Variants in PIR observed in about 807,000 individuals in gnomAD.
PIR encodes the protein pirin, also known as pirin (iron-binding nuclear protein).
PIR carries 22 observed loss-of-function variants against 24.2 expected under a neutral mutation model. The observed-to-expected ratio is 0.91, with a 90% confidence interval of 0.65 to 1.30. The LOEUF (loss-of-function observed/expected upper bound fraction) is 1.30, where lower values mean the gene tolerates loss of function less well. Among genes scored for constraint, PIR ranks in the 50% most tolerant of loss-of-function variants. PIR has a pLI of 0.00. For synonymous variants in PIR, 80 were observed against 79.6 expected, an observed-to-expected ratio of 1.00 and a Z score of -0.03; for missense variants, 220 against 220.3, an observed-to-expected ratio of 1.00 and a Z score of 0.01.
At position 15,455,978 on chromosome X, in the gene PIR, C is replaced by T; in HGVS notation, c.350G>A (p.Trp117Ter). ...SEEPAHGLQL[W>*]VNLRSSEKMV... Reference sequence around the variant, plus strand: ...CTTCTCTGAGCTCCTCAAATTAACCCACAGTTGTAGGCCATGGGCTGGCTC... The same window carrying T: ...CTTCTCTGAGCTCCTCAAATTAACCTACAGTTGTAGGCCATGGGCTGGCTC... Residue 117 changes from tryptophan to a stop codon, truncating the protein, a stop_gained, in exon 5 of 10, where the codon TGG (tryptophan) becomes TAG (stop). Coordinates refer to ENST00000380420, the MANE Select transcript of PIR (RefSeq NM_001018109.3). LOFTEE classifies it high-confidence loss of function. The T allele has an allele frequency of 8.3e-7, 1 of 1,211,386 alleles. No homozygotes were observed. The highest frequency in any genetic ancestry group is 1.1e-6 in the Non-Finnish European group (1 of 894,934).
At chrX:15,473,256 G>A (rs988558340) in intron 3 of PIR, among the ~76,000 whole-genome samples, 14 of 111,557 alleles carry the variant, frequency 1.3e-4, no homozygotes, top group African/African-American at 3.6e-4. Context: ...ACTGGGTGTA[G>A]GCAGATGCAA....
At chrX:15,389,779 T>C (rs1255217346) in intron 9 of PIR, among the ~76,000 whole-genome samples, 1 of 111,355 alleles carries the variant, frequency 9.0e-6, no homozygotes, top group Non-Finnish European at 1.9e-5. Flanking sequence ...AGTTTCATAT[T>C]TTTTACTAAA....
intron 2 of PIR, among the ~76,000 whole-genome samples, chrX:15,486,886 G>A (rs759618595): frequency 8.9e-6 from 1 of 112,330 alleles, no homozygotes; most frequent in Admixed American, 9.4e-5. Flanking sequence ...CATTGGTTTT[G>A]GATGATGCTT....
In PIR at chrX:15,484,306, CTTTTTTTTTT is replaced by C. The variant is rs1193474348; in HGVS notation, c.97-4495_97-4486del. Among the ~76,000 whole-genome samples, 13 of 67,488 alleles carry C rather than the reference CTTTTTTTTTT, an allele frequency of 1.9e-4. 1 individual carries two copies. The highest frequency in any genetic ancestry group is 6.6e-4 in the African/African-American group (12 of 18,146). The allele number at this position is 67,488 out of a possible 115,157, so 58.6% of individuals were successfully genotyped here. ...GAGCGGTAGATACAGTCTCAATTTTCTTTTTTTTTTTTTTTTTTTTTTTTTTGAGACAGGG... is the reference window on the plus strand; with the variant it reads ...GAGCGGTAGATACAGTCTCAATTTTCTTTTTTTTTTTTTTTTGAGACAGGG... On this transcript the variant is annotated intron_variant, in intron 2 of 9. Coordinates refer to ENST00000380420, the MANE Select transcript of PIR (RefSeq NM_001018109.3).
chrX:15,433,934 G>A lies in PIR; in HGVS notation c.481-7944C>T, dbSNP rs111162504. Among the ~76,000 whole-genome samples the A allele has an allele frequency of 3.5e-3, 223 of 62,824 alleles. 4 individuals are homozygous for A. The highest frequency in any genetic ancestry group is 0.017 in the African/African-American group (207 of 12,333). The allele number at this position is 62,824 out of a possible 115,157, so 54.6% of individuals were successfully genotyped here. ...GGAAAGAAGGAGGAGGAGGAAGGAG[G>A]AAGAAGGAGGAGGAGGAAGGAGAAA... On this transcript the variant is annotated intron_variant, in intron 5 of 9. Coordinates refer to ENST00000380420, the MANE Select transcript of PIR (RefSeq NM_001018109.3).
At chrX:15,456,417 T>C (rs755702913) in intron 4 of PIR, among the ~76,000 whole-genome samples, 1 of 112,056 alleles carries the variant, frequency 8.9e-6, no homozygotes, top group African/African-American at 3.2e-5. Flanking sequence ...AAAAGCAGGA[T>C]TGGGCAGGGG....
At chrX:15,412,744 T>C (rs368426226) in intron 6 of PIR, among the ~76,000 whole-genome samples, 1 of 111,825 alleles carries the variant, frequency 8.9e-6, no homozygotes. Flanking sequence ...CATGCAACTC[T>C]CTCTTGGGGA....
chrX:15,419,554 C>T (rs1406105789), intron 6 of PIR, among the ~76,000 whole-genome samples: 2 of 111,470 alleles, frequency 1.8e-5, no homozygotes, highest in Non-Finnish European at 3.8e-5. Flanking sequence ...TACAGACGCT[C>T]AATGCTAAAT....
chrX:15,457,301 A>G (rs1298229939), intron 4 of PIR, among the ~76,000 whole-genome samples: 1 of 111,584 alleles, frequency 9.0e-6, no homozygotes, highest in Admixed American at 9.5e-5. Context: ...GAAAGCCCTC[A>G]GACAGAGTAA....
chrX:15,406,393 T>A (rs1190225939), intron 7 of PIR, among the ~76,000 whole-genome samples: 1 of 112,212 alleles, frequency 8.9e-6, no homozygotes, highest in Non-Finnish European at 1.9e-5. Context: ...GAAGGGTATG[T>A]CATCAAGCAC....
chrX:15,388,346 A>G (rs924606808), intron 9 of PIR, among the ~76,000 whole-genome samples: 2 of 111,884 alleles, frequency 1.8e-5, no homozygotes, highest in African/African-American at 3.3e-5. Flanking sequence ...TACAGGGCAG[A>G]GCAATGGACG....
rs144894386 is a variant in PIR at position 15,404,117 on chromosome X, G to T, written c.610+3389C>A. Among the ~76,000 whole-genome samples, 750 of 108,706 alleles carry T rather than the reference G, an allele frequency of 6.9e-3. 8 individuals are homozygous for T. The highest frequency in any genetic ancestry group is 0.023 in the African/African-American group (687 of 29,716). 94.4% of individuals were successfully genotyped at this position (108,706 alleles called of 115,157 possible). A position where few individuals can be genotyped will look rare whatever the true frequency, so the allele number is the denominator to read the frequency against. On this transcript the variant is annotated intron_variant, in intron 7 of 9. Transcript: ENST00000380420. Reference sequence around the variant, plus strand: ...CGGGTTCAAGTGATTCTCCTGCCTCGGCCTCCCGTGTAGCTGGAATTACAG... The same window carrying T: ...CGGGTTCAAGTGATTCTCCTGCCTCTGCCTCCCGTGTAGCTGGAATTACAG...
chrX:15,474,097 A>G (rs1402761351), intron 3 of PIR, among the ~76,000 whole-genome samples: 1 of 112,400 alleles, frequency 8.9e-6, no homozygotes, highest in African/African-American at 3.2e-5. Flanking sequence ...CAAGAAAAAA[A>G]AATGATTAGC....
In PIR at chrX:15,397,505, C is replaced by G. The variant is rs373762633; in HGVS notation, c.637G>C (p.Glu213Gln). 8.3e-7 allele frequency: 1 copy of G among 1,207,206 alleles called. No individual in the cohort carries two copies. The highest frequency in any genetic ancestry group is 1.1e-6 in the Non-Finnish European group (1 of 891,251). Residue 213 changes from glutamate to glutamine, a missense_variant, in exon 8 of 10, where the codon GAA becomes CAA. Transcript: ENST00000380420. ...IGPDDAQQKI[E>Q]PHHTAVLGEG... ...CCAAGCACTGCTGTGTGATGAGGTT[C>G]TATTTTTTGTTGTGCATCATCGGGC...
intron 5 of PIR, among the ~76,000 whole-genome samples, chrX:15,439,876 T>C (rs1429319437): frequency 8.9e-6 from 1 of 112,047 alleles, no homozygotes; most frequent in Non-Finnish European, 1.9e-5. Flanking sequence ...TTTAATAACA[T>C]GACAGTGAGA....
chrX:15,459,399 C>T (rs1450707816), intron 4 of PIR, among the ~76,000 whole-genome samples: 1 of 111,790 alleles, frequency 8.9e-6, no homozygotes, highest in Non-Finnish European at 1.9e-5. Context: ...GATATCATTC[C>T]TGATTACTCT....
chrX:15,409,847 A>T (rs1924679365), intron 6 of PIR, among the ~76,000 whole-genome samples: 2 of 111,995 alleles, frequency 1.8e-5, no homozygotes, highest in Non-Finnish European at 3.8e-5. Context: ...TAAACTGAAA[A>T]TCTTTCTGCA....
chrX:15,421,658 TAA>T (rs60869715), intron 6 of PIR, among the ~76,000 whole-genome samples: 4,099 of 93,056 alleles, frequency 0.044, 206 homozygotes, highest in African/African-American at 0.14. Flanking sequence ...AAGTCTCCCA[TAA>T]AAAAAAAAAA....
intron 9 of PIR, among the ~76,000 whole-genome samples, chrX:15,385,971 C>G (rs1300392106): frequency 8.9e-6 from 1 of 111,825 alleles, no homozygotes; most frequent in African/African-American, 3.3e-5. Flanking sequence ...TGTTTCTTCC[C>G]CTTTCTTCAT....
Sources: gnomAD v4.1 joint callset for allele counts (sites outside exome capture counted in the v4.1 genomes callset) on GRCh38, gnomAD v4.1.1 for gene constraint, MANE v1.5 for transcripts, NCBI Gene and HGNC (gene_info 2026-07-23, HGNC 2026-07-21) for gene names.